Variants in FBXW7 observed in about 807,000 individuals in gnomAD.
FBXW7 encodes the protein F-box and WD repeat domain containing 7.
Under a neutral mutation model 86.3 loss-of-function variants are expected in FBXW7, and 11 were observed. That is an observed-to-expected ratio of 0.13 (90% CI 0.08 to 0.21). The LOEUF (loss-of-function observed/expected upper bound fraction) is 0.21, where lower values mean the gene tolerates loss of function less well. Ranked by LOEUF, FBXW7 falls within the 10% of genes least tolerant of loss-of-function variation. FBXW7 has a pLI of 1.00. For missense variants in FBXW7, 488 were observed against 847.4 expected (o/e 0.58, Z 5.27); for synonymous variants, 313 against 297.9 (o/e 1.05, Z -0.52).
chr4:152,444,587 C>T (rs1237857514), intron 2 of FBXW7, among the ~76,000 whole-genome samples: 1 of 152,120 alleles, frequency 6.6e-6, no homozygotes, highest in Admixed American at 6.6e-5. Context: ...GATAATTTTA[C>T]AAACCATCTA....
chr4:152,476,735 A>G (rs1744434639), intron 2 of FBXW7, among the ~76,000 whole-genome samples: 1 of 152,170 alleles, frequency 6.6e-6, no homozygotes, highest in East Asian at 1.9e-4. Context: ...ATAGTATAGA[A>G]ATGAGCAGAA....
At chr4:152,430,460 A>G (rs1432662883) in intron 2 of FBXW7, among the ~76,000 whole-genome samples, 1 of 152,108 alleles carries the variant, frequency 6.6e-6, no homozygotes, top group Non-Finnish European at 1.5e-5. Context: ...CTATGATAGT[A>G]TAGCTTTATT....
chr4:152,453,525 C>G (rs1742105778), intron 2 of FBXW7, among the ~76,000 whole-genome samples: 1 of 152,052 alleles, frequency 6.6e-6, no homozygotes, highest in Non-Finnish European at 1.5e-5. Context: ...TAAAATCTCT[C>G]CTGCCTTCAC....
chr4:152,461,929 T>G (rs1282478595), intron 2 of FBXW7, among the ~76,000 whole-genome samples: 1 of 151,662 alleles, frequency 6.6e-6, no homozygotes, highest in East Asian at 1.9e-4. Context: ...CCTTTAACAC[T>G]GCTTTGTTAT....
At chr4:152,332,765 ATATAT>A (rs1729684006) in intron 7 of FBXW7, 46 bp from the exon 8 acceptor site, 1 of 847,600 alleles carries the variant, frequency 1.2e-6, no homozygotes, top group Non-Finnish European at 1.5e-6. Context: ...AAATAAATAT[ATATAT>A]TATATAATAA....
At chr4:152,506,883 C>T (rs76346255) in intron 2 of FBXW7, among the ~76,000 whole-genome samples, 2,441 of 152,278 alleles carry the variant, frequency 0.016, 76 homozygotes, top group African/African-American at 0.056. Flanking sequence ...ATAAAGACAA[C>T]TTACAGATAA....
At chr4:152,433,522 T>C (rs992233500) in intron 2 of FBXW7, among the ~76,000 whole-genome samples, 1 of 152,206 alleles carries the variant, frequency 6.6e-6, no homozygotes, top group African/African-American at 2.4e-5. Flanking sequence ...CAACTGTTTT[T>C]TCCACCACTT....
At chr4:152,324,009 A>G in intron 13 of FBXW7, 175 bp downstream of exon 13, 1 of 591,198 alleles carries the variant, frequency 1.7e-6, no homozygotes, top group Non-Finnish European at 3.0e-6. Context: ...ACACAGTTTA[A>G]AACATTTCCT....
intron 2 of FBXW7, among the ~76,000 whole-genome samples, chr4:152,529,167 C>T (rs1439081237): frequency 6.6e-6 from 1 of 152,122 alleles, no homozygotes; most frequent in Non-Finnish European, 1.5e-5. Flanking sequence ...AGAAGATGCA[C>T]ACCTTGTGTC....
At chr4:152,443,146 C>T (rs1741060191) in intron 2 of FBXW7, among the ~76,000 whole-genome samples, 1 of 152,104 alleles carries the variant, frequency 6.6e-6, no homozygotes, top group South Asian at 2.1e-4. Flanking sequence ...CCTGTAATCC[C>T]AGCTACTCGG....
intron 2 of FBXW7, among the ~76,000 whole-genome samples, chr4:152,426,652 C>G (rs1739413660): frequency 6.6e-6 from 1 of 152,258 alleles, no homozygotes; most frequent in South Asian, 2.1e-4. Context: ...GGGATCCCCC[C>G]AAATAACCGG....
intron 2 of FBXW7, among the ~76,000 whole-genome samples, chr4:152,424,615 G>A (rs1393330240): frequency 6.6e-6 from 1 of 152,188 alleles, no homozygotes; most frequent in Non-Finnish European, 1.5e-5. Context: ...AGTGAATGGA[G>A]AACGAAACCT....
intron 4 of FBXW7, chr4:152,411,056 T>C: frequency 5.0e-6 from 3 of 597,774 alleles, no homozygotes; most frequent in Non-Finnish European, 7.4e-6. Flanking sequence ...GAAAATTTGA[T>C]GTTAATAATT....
At chr4:152,370,086 T>C (rs536775722) in intron 4 of FBXW7, among the ~76,000 whole-genome samples, 1 of 152,118 alleles carries the variant, frequency 6.6e-6, no homozygotes, top group East Asian at 1.9e-4. Context: ...TGCCCCTACA[T>C]GTTCATATTA....
intron 4 of FBXW7, among the ~76,000 whole-genome samples, chr4:152,401,157 G>A (rs1287280840): frequency 2.6e-5 from 4 of 152,180 alleles, no homozygotes; most frequent in Non-Finnish European, 5.9e-5. Flanking sequence ...TAATCATACT[G>A]TTAACTTGCA....
chr4:152,323,885 G>C (rs759822629), intron 13 of FBXW7: 19 of 254,552 alleles, frequency 7.5e-5, no homozygotes, highest in Non-Finnish European at 1.4e-4. Flanking sequence ...AATATAATGA[G>C]TACGTTGCTT....
intron 2 of FBXW7, among the ~76,000 whole-genome samples, chr4:152,417,270 CG>C (rs1738520742): frequency 6.6e-6 from 1 of 152,148 alleles, no homozygotes; most frequent in South Asian, 2.1e-4. Flanking sequence ...TGCACACATA[CG>C]TAAGGCCCAA....
intron 2 of FBXW7, among the ~76,000 whole-genome samples, chr4:152,524,751 A>G (rs1049748241): frequency 6.6e-6 from 1 of 151,860 alleles, no homozygotes; most frequent in Non-Finnish European, 1.5e-5. Context: ...CATTTATTTT[A>G]AAAAAAAGGA....
chr4:152,360,075 C>T (rs927433577), intron 4 of FBXW7, among the ~76,000 whole-genome samples: 35 of 152,218 alleles, frequency 2.3e-4, no homozygotes, highest in Middle Eastern at 3.4e-3. Flanking sequence ...AGGGGATAAC[C>T]CATGTGATAA....
Sources: gnomAD v4.1 joint callset for allele counts (sites outside exome capture counted in the v4.1 genomes callset) on GRCh38, gnomAD v4.1.1 for gene constraint, MANE v1.5 for transcripts, NCBI Gene and HGNC (gene_info 2026-07-23, HGNC 2026-07-21) for gene names.